PEG3: variants seen among roughly 807,000 people sequenced by gnomAD.
The protein encoded by PEG3 is paternally-expressed gene 3 protein.
In PEG3, 23 loss-of-function variants were observed where a neutral mutation model predicts 35.5. The observed-to-expected ratio is 0.65, with a 90% CI of 0.47 to 0.92. The LOEUF (loss-of-function observed/expected upper bound fraction) is 0.92, where lower values mean the gene tolerates loss of function less well. Among genes scored for constraint, PEG3 ranks in the 40% least tolerant of loss-of-function variants. PEG3 has a pLI of 0.00. For missense variants in PEG3, 1,960 were observed against 1,985.3 expected (o/e 0.99, Z 0.24); for synonymous variants, 707 against 697.0 (o/e 1.01, Z -0.23).
At chr19:56,827,042 G>A (rs553065774) in intron 2 of PEG3, among the ~76,000 whole-genome samples, 2 of 152,020 alleles carry the variant, frequency 1.3e-5, no homozygotes, top group Non-Finnish European at 2.9e-5. Context: ...AAGAAGCAGA[G>A]AAAAATATGA....
At chr19:56,827,368 A>C (rs2061145060) in intron 2 of PEG3, among the ~76,000 whole-genome samples, 2 of 152,210 alleles carry the variant, frequency 1.3e-5, no homozygotes, top group Admixed American at 1.3e-4. Flanking sequence ...GCCCTTGGTC[A>C]ATAGAAGCCA....
chr19:56,828,017 C>A (rs1052239668), intron 2 of PEG3, among the ~76,000 whole-genome samples: 1 of 151,986 alleles, frequency 6.6e-6, no homozygotes, highest in African/African-American at 2.4e-5. Flanking sequence ...TTTTATTTTA[C>A]CATGAGCATG....
At chr19:56,829,343 C>CA (rs35948458) in intron 2 of PEG3, among the ~76,000 whole-genome samples, 2,900 of 86,418 alleles carry the variant, frequency 0.034, 94 homozygotes, top group African/African-American at 0.11. Flanking sequence ...GACTCCATCT[C>CA]AAAAAAAAAA....
At position 56,815,114 on chromosome 19, in the gene PEG3, C is replaced by T. The variant is rs776732609; in HGVS notation, c.3328G>A (p.Glu1110Lys). 8 of 1,613,800 alleles carry T rather than the reference C, an allele frequency of 5.0e-6. No individual in the cohort carries two copies. The East Asian group carries it at 8.9e-5, about 18-fold the overall frequency. Reference sequence around the variant, plus strand: ...TCCACAAAGCCCAGGCCACAGTCCTCACATTCATAGATTTTGTCATCAGGG... The same window carrying T: ...TCCACAAAGCCCAGGCCACAGTCCTTACATTCATAGATTTTGTCATCAGGG... ...DDPDDKIYEC[E>K]DCGLGFVDLT... Residue 1110 changes from glutamate to lysine, a missense_variant, in exon 10 of 10, where the codon GAG becomes AAG. Coordinates refer to ENST00000326441, the MANE Select transcript of PEG3 (RefSeq NM_006210.3).
chr19:56,811,109 C>T lies in PEG3; in HGVS notation c.*2566G>A. ...GATGGTGGGGATATGATTTTTTTTC[C>T]TCCACTTTTCTGTATTTTCCAAGTG... On this transcript the variant is annotated 3_prime_UTR_variant, in exon 10 of 10. Transcript: ENST00000326441. 1.1e-5 allele frequency: 11 copies of T among 984,372 alleles called. No homozygotes were observed. The highest frequency in any genetic ancestry group is 1.3e-5 in the Non-Finnish European group (11 of 829,206). 61.0% of individuals were successfully genotyped at this position (984,372 alleles called of 1,614,324 possible).
At chr19:56,827,261 AT>A (rs1352142199) in intron 2 of PEG3, among the ~76,000 whole-genome samples, 2 of 152,240 alleles carry the variant, frequency 1.3e-5, no homozygotes, top group Non-Finnish European at 2.9e-5. Flanking sequence ...GCCAAAAAAA[AT>A]AAAACACATT....
chr19:56,832,560 C>T (rs2061677870), intron 2 of PEG3, among the ~76,000 whole-genome samples: 1 of 152,250 alleles, frequency 6.6e-6, no homozygotes, highest in Non-Finnish European at 1.5e-5. Flanking sequence ...CCTCTGCTCT[C>T]TCTTCAGAGC....
rs765165395 is a variant in PEG3, at chr19:56,815,858, A to G, written c.2584T>C (p.Ser862Pro). The G allele has an allele frequency of 8.1e-6, 13 of 1,613,308 alleles. No individual in the cohort carries two copies. The South Asian group carries it at 1.1e-4, about 14-fold the overall frequency. The part of the protein sequence containing the change: ...LVESNEKGES[S>P]IYISDLNDKR... Reference sequence around the variant, plus strand: ...TCATTAAGGTCTGAGATATAAATGGAGGATTCTCCCTTCTCATTAGATTCC... The same window carrying G: ...TCATTAAGGTCTGAGATATAAATGGGGGATTCTCCCTTCTCATTAGATTCC... Residue 862 changes from serine (S) to proline (P), a missense_variant, in exon 10 of 10, where the codon TCC (serine) becomes CCC (proline). By Grantham distance (74) the Ser-to-Pro change is moderately conservative. Transcript: ENST00000326441.
Position 56,814,491 on chromosome 19 carries a change from G to A in PEG3, c.3951C>T (p.His1317=), listed in dbSNP as rs1356545028. The A allele has an allele frequency of 6.2e-7, 1 of 1,612,964 alleles. No individual in the cohort carries two copies. Residue 1317 remains histidine, a synonymous_variant, in exon 10 of 10, where the codon CAC becomes CAT. Coordinates refer to ENST00000326441, the MANE Select transcript of PEG3 (RefSeq NM_006210.3). This position sits in a 1 kb window ranked among gnomAD's most constrained non-coding sequence, Gnocchi z 5.8. The part of the protein sequence containing the change: ...EPYEYGSSYT[H]TSFLTEPLKG... ...TGAGGGGCTCAGTAAGAAATGAGGT[G>A]TGAGTATAGGAGGACCCGTACTCAT...
chr19:56,835,696 G>C (rs1183279259), intron 2 of PEG3, among the ~76,000 whole-genome samples: 1 of 152,216 alleles, frequency 6.6e-6, no homozygotes, highest in Non-Finnish European at 1.5e-5. Flanking sequence ...CTGGCACAAA[G>C]TACACACTTG....
At position 56,824,277 on chromosome 19, in the gene PEG3, TCTC is replaced by T. The variant is rs765801647; in HGVS notation, c.376_378del (p.Glu126del). On this transcript the variant is annotated inframe_deletion, in exon 4 of 10. Coordinates refer to ENST00000326441, the MANE Select transcript of PEG3 (RefSeq NM_006210.3). Reference sequence around the variant, plus strand: ...AGACTCTCACCTTCTGGTTGGTACATCTCCTTGTAATTCTCCAGCAGAGTGACG... The same window carrying T: ...AGACTCTCACCTTCTGGTTGGTACATCTTGTAATTCTCCAGCAGAGTGACG... The T allele has an allele frequency of 1.2e-4, 197 of 1,613,972 alleles. 1 individual carries two copies. The African/African-American group carries it at 1.9e-3, about 15-fold the overall frequency.
At position 56,810,900 on chromosome 19, in the gene PEG3, A is replaced by G; in HGVS notation, c.*2775T>C. On this transcript the variant is annotated 3_prime_UTR_variant, in exon 10 of 10. Coordinates refer to ENST00000326441, the MANE Select transcript of PEG3 (RefSeq NM_006210.3). ...TATGCACACCAATGGAGACACACAT[A>G]ATACACTGTTATCAGGACATTATTA... 1.0e-6 allele frequency: 1 copy of G among 963,592 alleles called. No individual in the cohort carries two copies. Among genetic ancestry groups the G allele is most frequent in the Non-Finnish European group, 1.2e-6 (1 of 810,048 alleles). The allele number at this position is 963,592 out of a possible 1,614,324, so 59.7% of individuals were successfully genotyped here. A position where few individuals can be genotyped will look rare whatever the true frequency, so the allele number is the denominator to read the frequency against.
intron 5 of PEG3, among the ~76,000 whole-genome samples, chr19:56,823,298 A>T (rs1025312358): frequency 5.3e-5 from 8 of 152,240 alleles, no homozygotes; most frequent in Non-Finnish European, 1.0e-4. Context: ...ATCTTTAATG[A>T]ACCTTCCTGA....
chr19:56,829,201 A>G (rs1438191640), intron 2 of PEG3, among the ~76,000 whole-genome samples: 1 of 152,098 alleles, frequency 6.6e-6, no homozygotes, highest in Non-Finnish European at 1.5e-5. Flanking sequence ...AAATACAAAA[A>G]TTAGCTGGGC....
chr19:56,837,114 C>T (rs746766172), intron 1 of PEG3, among the ~76,000 whole-genome samples: 71 of 152,168 alleles, frequency 4.7e-4, no homozygotes, highest in Admixed American at 7.2e-4. Flanking sequence ...GGTAAGTGAG[C>T]TCTAGGACTC....
chr19:56,825,430 GCTTT>G (rs754409324), intron 3 of PEG3, among the ~76,000 whole-genome samples: 4 of 152,150 alleles, frequency 2.6e-5, no homozygotes, highest in Admixed American at 6.5e-5. Context: ...AAAAGAACCG[GCTTT>G]CTGTTTTGAC....
Position 56,814,969 on chromosome 19 carries a change from GTGTAAT to G in PEG3, c.3467_3472del (p.Asp1156_Thr1158delinsAla). On this transcript the variant is annotated inframe_deletion, in exon 10 of 10. Coordinates refer to ENST00000326441, the MANE Select transcript of PEG3 (RefSeq NM_006210.3). The surrounding 1 kb of genome is among the most constrained non-coding windows in gnomAD (Gnocchi z 5.8). ...TGGACATTCATACAGCTGCTCTCCA[GTGTAAT>G]CTCTCTGATACTCGCTGATGGAATG... 1 of 1,614,152 alleles carries G rather than the reference GTGTAAT, an allele frequency of 6.2e-7. No individual in the cohort carries two copies. The highest frequency in any genetic ancestry group is 8.5e-7 in the Non-Finnish European group (1 of 1,179,990).
At chr19:56,835,641 CT>C (rs1236520170) in intron 2 of PEG3, among the ~76,000 whole-genome samples, 1 of 152,222 alleles carries the variant, frequency 6.6e-6, no homozygotes, top group East Asian at 1.9e-4. Flanking sequence ...ACTAAAAACT[CT>C]TTGAAAACAC....
intron 1 of PEG3, among the ~76,000 whole-genome samples, chr19:56,836,969 CAAAAAAAAAAAAAAAAAAAAAAA>C (rs573566620): frequency 8.5e-6 from 1 of 116,986 alleles, no homozygotes. Context: ...GACTCTGTCT[CAAAAAAAAAAAAAAAAAAAAAAA>C]AAAAAAAAAA....
Sources: allele counts gnomAD v4.1 joint callset (sites outside exome capture counted in the v4.1 genomes callset), GRCh38; gene constraint gnomAD v4.1.1; non-coding constraint Gnocchi (gnomAD v3.1); transcripts MANE v1.5; gene names NCBI Gene and HGNC (gene_info 2026-07-23, HGNC 2026-07-21).